UNC13C: variants seen among roughly 807,000 people sequenced by gnomAD.
UNC13C encodes protein unc-13 homolog C.
UNC13C carries 174 observed loss-of-function variants against 245.4 expected under a neutral mutation model. The observed-to-expected ratio is 0.71, with a 90% confidence interval of 0.63 to 0.80. UNC13C has a LOEUF of 0.80. UNC13C is among the 30% of genes least tolerant of loss of function. The pLI is 0.00. For synonymous variants in UNC13C, 992 were observed against 895.1 expected, an observed-to-expected ratio of 1.11 and a Z score of -1.93; for missense variants, 2,829 against 2,602.9, an observed-to-expected ratio of 1.09 and a Z score of -1.89.
chr15:54,222,348 G>T (rs1157757983), intron 4 of UNC13C, among the ~76,000 whole-genome samples: 1 of 151,976 alleles, frequency 6.6e-6, no homozygotes, highest in Non-Finnish European at 1.5e-5. Flanking sequence ...AGCGTATGCA[G>T]TTTGTCTTTC....
Position 54,628,331 on chromosome 15 carries a change from T to TAAC in UNC13C, c.*1219_*1221dup, listed in dbSNP as rs1901319371. The TAAC allele has an allele frequency of 6.6e-6, 1 of 152,512 alleles. No individual in the cohort carries two copies. Among genetic ancestry groups the TAAC allele is most frequent in the Admixed American group, 6.5e-5 (1 of 15,268 alleles). 9.4% of individuals were successfully genotyped at this position (152,512 alleles called of 1,614,324 possible). On this transcript the variant is annotated 3_prime_UTR_variant, in exon 33 of 33. Coordinates refer to ENST00000260323, the MANE Select transcript of UNC13C (RefSeq NM_001080534.3). Reference sequence around the variant, plus strand: ...ACTTTGTAATTATAACTTATGGTCATAACTGTTAGTGGACTACTTACAGAA... The same window carrying TAAC: ...ACTTTGTAATTATAACTTATGGTCATAACAACTGTTAGTGGACTACTTACAGAA...
chr15:54,480,804 T>C (rs1416311487), intron 19 of UNC13C, among the ~76,000 whole-genome samples: 1 of 152,206 alleles, frequency 6.6e-6, no homozygotes, highest in Non-Finnish European at 1.5e-5. Context: ...GTTCTTGCAT[T>C]TACTATCTGC....
At chr15:54,047,252 A>C (rs1053202499) in intron 2 of UNC13C, among the ~76,000 whole-genome samples, 6 of 152,060 alleles carry the variant, frequency 3.9e-5, no homozygotes, top group Admixed American at 3.3e-4. Flanking sequence ...TAAAATTATG[A>C]TAAAATATAC....
intron 2 of UNC13C, among the ~76,000 whole-genome samples, chr15:54,132,759 G>A (rs2031506557): frequency 6.6e-6 from 1 of 152,086 alleles, no homozygotes; most frequent in Non-Finnish European, 1.5e-5. Context: ...TTTTAATATG[G>A]TGACAAATAG....
At chr15:53,904,125 T>C in the UNC13C span, among the ~76,000 whole-genome samples, 1 of 152,180 alleles carries the variant, frequency 6.6e-6, no homozygotes, top group Admixed American at 6.5e-5. Flanking sequence ...TGATTTTTAA[T>C]CTTGTTGGAT....
At chr15:54,104,371 T>C (rs1262078408) in intron 2 of UNC13C, among the ~76,000 whole-genome samples, 1 of 152,214 alleles carries the variant, frequency 6.6e-6, no homozygotes, top group African/African-American at 2.4e-5. Flanking sequence ...TTTTTGTCTA[T>C]GCTAACTTAA....
intron 4 of UNC13C, among the ~76,000 whole-genome samples, chr15:54,174,161 T>C (rs903048932): frequency 1.1e-4 from 17 of 152,162 alleles, no homozygotes; most frequent in African/African-American, 4.1e-4. Flanking sequence ...TCGCTAGTTC[T>C]CTTTTCTATT....
upstream of UNC13C, chr15:53,975,105 T>A (rs1209180779): frequency 3.3e-5 from 5 of 152,340 alleles, no homozygotes; most frequent in South Asian, 1.0e-3. Context: ...CAGTACCTTA[T>A]GTGGCCTAGT....
Position 54,620,785 on chromosome 15 carries a change from CAA to C in UNC13C, c.6107-1527_6107-1526del, listed in dbSNP as rs34567553. ...TGAGCAACAGAGCAAGACCCTGTCT[CAA>C]AAAAAAAAAAAAAACCTCTCTCCCA... On this transcript the variant is annotated intron_variant, in intron 30 of 32. Transcript: ENST00000260323. 3.9e-3 allele frequency among the ~76,000 whole-genome samples: 520 copies of C among 134,898 alleles called. 4 individuals carry two copies. Among genetic ancestry groups the C allele is most frequent in the Non-Finnish European group, 5.4e-3 (337 of 62,666 alleles). The allele number at this position is 134,898 out of a possible 152,430, so 88.5% of individuals were successfully genotyped here.
chr15:54,600,600 T>C lies in UNC13C; in HGVS notation c.6107-21727T>C, dbSNP rs377231706. Among the ~76,000 whole-genome samples, 10 of 152,222 alleles carry C rather than the reference T, an allele frequency of 6.6e-5. No individual in the cohort carries two copies. The South Asian group carries it at 1.5e-3, about 22-fold the overall frequency. On this transcript the variant is annotated intron_variant, in intron 30 of 32. Transcript: ENST00000260323. ...GATGTGAATACACATTATAATTCAC[T>C]TTTTTGGTACCTTATTTTTCAGGTA... is the stretch of plus-strand genomic sequence containing the variant.
the UNC13C span, chr15:53,912,053 A>G: frequency 6.6e-6 from 1 of 152,212 alleles, no homozygotes; most frequent in Admixed American, 6.5e-5. Flanking sequence ...CCACGAGATT[A>G]AAAGGGGCCC....
intron 26 of UNC13C, among the ~76,000 whole-genome samples, chr15:54,545,999 T>C (rs1350571726): frequency 6.6e-6 from 1 of 152,202 alleles, no homozygotes; most frequent in Non-Finnish European, 1.5e-5. Flanking sequence ...TAAATCATTC[T>C]TCTGTAAAGA....
intron 18 of UNC13C, among the ~76,000 whole-genome samples, chr15:54,413,822 G>A (rs908868388): frequency 3.3e-5 from 5 of 151,622 alleles, no homozygotes; most frequent in Non-Finnish European, 5.9e-5. Context: ...TTTTTTATTC[G>A]AACCCCCAAA....
chr15:54,012,991 A>G lies in UNC13C; in HGVS notation c.88A>G (p.Asn30Asp). The change falls in exon 2 of 33, where the codon AAC (asparagine) becomes GAC (aspartate). Residue 30 changes from asparagine to aspartate, a missense_variant. Coordinates refer to ENST00000260323, the MANE Select transcript of UNC13C (RefSeq NM_001080534.3). ...GTTTACAAAGAAATTGGGAAATACA[A>G]ACAAAAACAAAGAGTATCGTCAGCA... ...GMFTKKLGNT[N>D]KNKEYRQQKK... is the part of the protein sequence containing the mutation. 4 of 1,613,922 alleles carry G rather than the reference A, an allele frequency of 2.5e-6. No homozygotes were observed. The highest frequency in any genetic ancestry group is 3.4e-6 in the Non-Finnish European group (4 of 1,179,842).
chr15:54,413,126 G>T (rs1014986773), intron 18 of UNC13C, among the ~76,000 whole-genome samples: 7 of 152,028 alleles, frequency 4.6e-5, no homozygotes, highest in Admixed American at 6.5e-5. Flanking sequence ...TAAACCTCTC[G>T]ATCATAATGT....
At chr15:54,373,321 T>C (rs2039533942) in intron 17 of UNC13C, among the ~76,000 whole-genome samples, 1 of 152,186 alleles carries the variant, frequency 6.6e-6, no homozygotes, top group East Asian at 1.9e-4. Context: ...TGAGTTTTGC[T>C]CGAGCCCACT....
At chr15:54,225,064 G>A (rs1384890184) in intron 4 of UNC13C, among the ~76,000 whole-genome samples, 1 of 106,900 alleles carries the variant, frequency 9.4e-6, no homozygotes, top group Non-Finnish European at 1.8e-5. Flanking sequence ...GCTAAAGGTT[G>A]TAAGTTTTGT....
chr15:54,062,869 G>C (rs1407714348), intron 2 of UNC13C, among the ~76,000 whole-genome samples: 1 of 152,192 alleles, frequency 6.6e-6, no homozygotes, highest in Non-Finnish European at 1.5e-5. Context: ...AAATCTCACT[G>C]TAGCTTGGTG....
At chr15:54,078,057 T>C (rs1444167327) in intron 2 of UNC13C, among the ~76,000 whole-genome samples, 2 of 152,196 alleles carry the variant, frequency 1.3e-5, no homozygotes, top group South Asian at 4.1e-4. Flanking sequence ...CTCCCACTTA[T>C]TAGTGAGCAC....
Sources: gnomAD v4.1 joint callset for allele counts (sites outside exome capture counted in the v4.1 genomes callset) on GRCh38, gnomAD v4.1.1 for gene constraint, MANE v1.5 for transcripts, NCBI Gene and HGNC (gene_info 2026-07-23, HGNC 2026-07-21) for gene names.